The following CDH4 variants were observed in gnomAD, a reference collection of about 807,000 sequenced individuals.
CDH4 encodes cadherin 4, also known as cadherin-4.
A neutral mutation model predicts 86.0 loss-of-function variants in CDH4; 33 were observed. That is an observed-to-expected ratio of 0.38 (90% confidence interval 0.29 to 0.51). CDH4 has a LOEUF of 0.51. CDH4 is among the 20% of genes least tolerant of loss of function. The pLI, the probability that CDH4 is intolerant of heterozygous loss-of-function variation, is 0.86. For missense variants in CDH4, 1,114 were observed against 1,307.4 expected, an observed-to-expected ratio of 0.85 and a Z score of 2.28; for synonymous variants, 555 against 549.4, an observed-to-expected ratio of 1.01 and a Z score of -0.14.
chr20:61,555,606 C>T (rs1048193596), intron 2 of CDH4, among the ~76,000 whole-genome samples: 12 of 152,190 alleles, frequency 7.9e-5, no homozygotes, highest in African/African-American at 2.9e-4. Context: ...TGCACAGAGA[C>T]TAAAACGGAT....
intron 7 of CDH4, among the ~76,000 whole-genome samples, chr20:61,890,597 TGATG>T (rs998172122): frequency 5.3e-5 from 8 of 149,818 alleles, no homozygotes; most frequent in African/African-American, 2.0e-4. Flanking sequence ...GATGGGTAAA[TGATG>T]GATGGATGGA....
At chr20:61,613,911 AT>A (rs1400701837) in intron 2 of CDH4, among the ~76,000 whole-genome samples, 6 of 151,834 alleles carry the variant, frequency 4.0e-5, no homozygotes, top group Non-Finnish European at 8.8e-5. Flanking sequence ...CTGGCGCTTG[AT>A]TTTTCCAAAT....
At chr20:61,503,387 G>C (rs2085718439) in intron 2 of CDH4, among the ~76,000 whole-genome samples, 1 of 152,180 alleles carries the variant, frequency 6.6e-6, no homozygotes, top group African/African-American at 2.4e-5. Context: ...ATAGGAAAAG[G>C]GGTCGTAAAA....
chr20:61,262,750 C>G (rs1438954274), intron 2 of CDH4, among the ~76,000 whole-genome samples: 1 of 151,786 alleles, frequency 6.6e-6, no homozygotes, highest in Non-Finnish European at 1.5e-5. Flanking sequence ...CTCCTTACCT[C>G]CTTACCTCCC....
intron 2 of CDH4, among the ~76,000 whole-genome samples, chr20:61,433,479 C>G (rs1430725685): frequency 1.3e-5 from 2 of 150,612 alleles, no homozygotes; most frequent in Non-Finnish European, 2.9e-5. Context: ...TTGCATTTTC[C>G]TATGAATTTT....
At chr20:61,888,304 CT>C (rs1309076750) in intron 7 of CDH4, among the ~76,000 whole-genome samples, 1 of 152,218 alleles carries the variant, frequency 6.6e-6, no homozygotes, top group Admixed American at 6.5e-5. Context: ...TCCACCGCTG[CT>C]GGCACCGTCC....
Position 61,904,862 on chromosome 20 carries a change from C to T in CDH4, c.1189-5560C>T, listed in dbSNP as rs115058569. On this transcript the variant is annotated intron_variant, in intron 8 of 15. Transcript: ENST00000614565. ...TTGTGTGGATGGGGCCTGGCCCTCT[C>T]GGCCCTGACCGCCCACTGACATCAT... Among the ~76,000 whole-genome samples, 258 of 152,370 alleles carry T rather than the reference C, an allele frequency of 1.7e-3. 2 individuals carry two copies. The highest frequency in any genetic ancestry group is 5.9e-3 in the African/African-American group (247 of 41,590).
chr20:61,474,012 G>A (rs1177919656), intron 2 of CDH4, among the ~76,000 whole-genome samples: 1 of 152,102 alleles, frequency 6.6e-6, no homozygotes, highest in Non-Finnish European at 1.5e-5. Context: ...AAACACCGTG[G>A]GATTGTAGAT....
chr20:61,350,018 CAT>C lies in CDH4; in HGVS notation c.169+95082_169+95083del, dbSNP rs373638278. Reference sequence around the variant, plus strand: ...AGTCATGTCAGGAAGGAACTGGACACATGTGGGCGAGGAGGCAGCCGCCCTCC... The same window carrying C: ...AGTCATGTCAGGAAGGAACTGGACACGTGGGCGAGGAGGCAGCCGCCCTCC... On this transcript the variant is annotated intron_variant, in intron 2 of 15. Coordinates refer to ENST00000614565, the MANE Select transcript of CDH4 (RefSeq NM_001794.5). 3.0e-3 allele frequency among the ~76,000 whole-genome samples: 453 copies of C among 152,170 alleles called. 3 individuals carry two copies. The highest frequency in any genetic ancestry group is 0.01 in the African/African-American group (416 of 41,412).
Position 61,488,039 on chromosome 20 carries a change from A to G in CDH4, c.169+233102A>G, listed in dbSNP as rs531812531. Among the ~76,000 whole-genome samples, 7 of 152,304 alleles carry G rather than the reference A, an allele frequency of 4.6e-5. No individual in the cohort carries two copies. The South Asian group carries it at 1.5e-3, about 32-fold the overall frequency. ...TCAATCGATGATTCTGTGGGAGGAGAAGGGCAGAATAACTTAGGCAAAGAC... is the reference window on the plus strand; with the variant it reads ...TCAATCGATGATTCTGTGGGAGGAGGAGGGCAGAATAACTTAGGCAAAGAC... On this transcript the variant is annotated intron_variant, in intron 2 of 15. Transcript: ENST00000614565.
intron 2 of CDH4, among the ~76,000 whole-genome samples, chr20:61,440,879 G>A (rs577171199): frequency 2.6e-5 from 4 of 152,332 alleles, no homozygotes; most frequent in Middle Eastern, 6.8e-3. Context: ...TGCCCTCGCG[G>A]TGGTAAGTTC....
chr20:61,451,129 C>CCACT (rs11481264), intron 2 of CDH4, among the ~76,000 whole-genome samples: 1 of 149,646 alleles, frequency 6.7e-6, no homozygotes, highest in Non-Finnish European at 1.5e-5. Context: ...CACGCCCCCC[C>CCACT]CCTTCCCTCC....
rs78522424 is a variant in CDH4 at position 61,850,252 on chromosome 20, A to T, written c.733-2502A>T. Reference sequence around the variant, plus strand: ...CCTCATCTGTAAAATAGGGACCAAGACAATGCCAATCTCACAGATTCTGAT... The same window carrying T: ...CCTCATCTGTAAAATAGGGACCAAGTCAATGCCAATCTCACAGATTCTGAT... On this transcript the variant is annotated intron_variant, in intron 5 of 15. Transcript: ENST00000614565. 8.3e-3 allele frequency among the ~76,000 whole-genome samples: 1,262 copies of T among 152,346 alleles called. 6 individuals carry two copies. The highest frequency in any genetic ancestry group is 0.015 in the African/African-American group (603 of 41,574).
chr20:61,346,131 T>C (rs1322285380), intron 2 of CDH4, among the ~76,000 whole-genome samples: 2 of 152,064 alleles, frequency 1.3e-5, no homozygotes, highest in South Asian at 4.1e-4. Context: ...TGAGGGGTGA[T>C]GTGCAGTCAG....
chr20:61,655,526 C>G (rs1274944524), intron 2 of CDH4, among the ~76,000 whole-genome samples: 3 of 152,240 alleles, frequency 2.0e-5, no homozygotes, highest in Non-Finnish European at 4.4e-5. Context: ...GTGTTCTCCT[C>G]TCTCTCTGGG....
At chr20:61,256,276 C>T (rs934875519) in intron 2 of CDH4, among the ~76,000 whole-genome samples, 13 of 152,196 alleles carry the variant, frequency 8.5e-5, no homozygotes, top group African/African-American at 2.9e-4. Flanking sequence ...GCATGTCCTG[C>T]TGTGCTGAAA....
At chr20:61,383,440 A>G (rs1163654172) in intron 2 of CDH4, among the ~76,000 whole-genome samples, 1 of 7,034 alleles carries the variant, frequency 1.4e-4, no homozygotes, top group Non-Finnish European at 4.0e-4. Flanking sequence ...ATCATATATG[A>G]ATATATATTC....
At chr20:61,275,002 G>T in intron 2 of CDH4, among the ~76,000 whole-genome samples, 1 of 148,176 alleles carries the variant, frequency 6.7e-6, no homozygotes. Context: ...GTGCAGTTTG[G>T]GGAAGCACCA....
intron 4 of CDH4, among the ~76,000 whole-genome samples, chr20:61,773,799 C>G (rs1162714397): frequency 6.6e-6 from 1 of 152,190 alleles, no homozygotes; most frequent in Non-Finnish European, 1.5e-5. Flanking sequence ...AATTCCCAAC[C>G]GTTGTGGAAA....
Sources: gnomAD v4.1 joint callset for allele counts (sites outside exome capture counted in the v4.1 genomes callset) on GRCh38, gnomAD v4.1.1 for gene constraint, MANE v1.5 for transcripts, NCBI Gene and HGNC (gene_info 2026-07-23, HGNC 2026-07-21) for gene names.